The following EXT1 variants were observed in gnomAD, a reference collection of about 807,000 sequenced individuals.
The protein encoded by EXT1 is exostosin-1.
A neutral mutation model predicts 82.5 loss-of-function variants in EXT1; 20 were observed. The observed-to-expected ratio is 0.24, with a 90% CI of 0.17 to 0.35. The LOEUF is 0.35. Among genes scored for constraint, EXT1 ranks in the 10% least tolerant of loss-of-function variants. The probability of loss-of-function intolerance (pLI) is 1.00; values close to 1 mark genes in which losing one functional copy is unlikely to be tolerated. For missense variants in EXT1, 757 were observed against 936.5 expected, an observed-to-expected ratio of 0.81 and a Z score of 2.50; for synonymous variants, 348 against 350.8, an observed-to-expected ratio of 0.99 and a Z score of 0.09.
intron 1 of EXT1, among the ~76,000 whole-genome samples, chr8:117,893,836 C>T (rs17452959): frequency 0.034 from 5,186 of 152,238 alleles, 114 homozygotes; most frequent in Middle Eastern, 0.061. Context: ...CTTGCCAGAC[C>T]CGTTATCACC....
intron 1 of EXT1, among the ~76,000 whole-genome samples, chr8:117,947,983 G>A (rs1053006111): frequency 2.6e-5 from 4 of 152,066 alleles, no homozygotes; most frequent in Non-Finnish European, 5.9e-5. Context: ...ATTTGGAGGT[G>A]ATTTTTCTGC....
chr8:118,066,191 C>T (rs1032820374), intron 1 of EXT1, among the ~76,000 whole-genome samples: 10 of 152,248 alleles, frequency 6.6e-5, no homozygotes, highest in Middle Eastern at 3.4e-3. Flanking sequence ...AGACTAACCC[C>T]TCATCTTCCT....
intron 3 of EXT1, 119 bp downstream of exon 3, chr8:117,835,325 A>AT: frequency 2.6e-6 from 2 of 764,280 alleles, no homozygotes; most frequent in Non-Finnish European, 4.6e-6. Context: ...GACACAGGTA[A>AT]TTTTCTCCTG....
intron 1 of EXT1, among the ~76,000 whole-genome samples, chr8:118,108,415 G>A (rs139468250): frequency 1.2e-4 from 18 of 152,100 alleles, no homozygotes; most frequent in Non-Finnish European, 2.1e-4. Flanking sequence ...ATTCCTGAAA[G>A]GCTATAAGCA....
intron 1 of EXT1, among the ~76,000 whole-genome samples, chr8:117,922,239 G>A (rs912172782): frequency 5.3e-5 from 8 of 152,026 alleles, no homozygotes; most frequent in African/African-American, 1.9e-4. Flanking sequence ...ACGAGAAAGG[G>A]GGTACCTCCA....
intron 1 of EXT1, among the ~76,000 whole-genome samples, chr8:117,889,806 G>A (rs955194313): frequency 1.3e-5 from 2 of 152,126 alleles, no homozygotes; most frequent in African/African-American, 4.8e-5. Context: ...AAATCATCGT[G>A]AGATCTAACT....
intron 1 of EXT1, among the ~76,000 whole-genome samples, chr8:117,980,091 G>T (rs974014002): frequency 1.3e-5 from 2 of 152,144 alleles, no homozygotes; most frequent in Admixed American, 1.3e-4. Flanking sequence ...GAGAGGGTCA[G>T]CACTCCACAT....
intron 1 of EXT1, among the ~76,000 whole-genome samples, chr8:117,940,164 T>C (rs1331953204): frequency 2.0e-5 from 3 of 152,176 alleles, no homozygotes; most frequent in South Asian, 2.1e-4. Flanking sequence ...ATCCAAGAAG[T>C]AATACTTGTT....
At chr8:117,974,543 C>T (rs1415891217) in intron 1 of EXT1, among the ~76,000 whole-genome samples, 1 of 152,208 alleles carries the variant, frequency 6.6e-6, no homozygotes, top group African/African-American at 2.4e-5. Context: ...TCACAGCTCA[C>T]TGCAGCCTTG....
At chr8:117,810,434 G>A (rs909547691) in intron 8 of EXT1, among the ~76,000 whole-genome samples, 3 of 152,168 alleles carry the variant, frequency 2.0e-5, no homozygotes, top group African/African-American at 7.2e-5. Flanking sequence ...TTCAACCCAC[G>A]TTGACTTCTA....
chr8:118,084,709 T>C (rs1007546956), intron 1 of EXT1, among the ~76,000 whole-genome samples: 15 of 152,292 alleles, frequency 9.8e-5, no homozygotes, highest in Admixed American at 7.8e-4. Flanking sequence ...GGGAAGCGTT[T>C]GATTCCAGAG....
chr8:117,991,976 A>G (rs1287102539), intron 1 of EXT1, among the ~76,000 whole-genome samples: 1 of 152,236 alleles, frequency 6.6e-6, no homozygotes, highest in Non-Finnish European at 1.5e-5. Context: ...TCAAAAACCC[A>G]GCATGGCACC....
At position 118,110,271 on chromosome 8, in the gene EXT1, AGAG is replaced by A. The variant is rs1220858665; in HGVS notation, c.773_775del (p.Pro258del). On this transcript the variant is annotated inframe_deletion, in exon 1 of 11. Transcript: ENST00000378204. ...CTTGAATACCAGCATGTACTTCCTG[AGAG>A]GAGGGATGGTGTTGAACTTCAAAAA... 6.2e-7 allele frequency: 1 copy of A among 1,613,940 alleles called. No homozygotes were observed. The highest frequency in any genetic ancestry group is 8.5e-7 in the Non-Finnish European group (1 of 1,180,018).
At chr8:118,038,679 G>A (rs10955850) in intron 1 of EXT1, among the ~76,000 whole-genome samples, 59,192 of 151,998 alleles carry the variant, frequency 0.39, 12,035 homozygotes, top group Middle Eastern at 0.52. Context: ...AAGGGCAGAC[G>A]TTACTTCTCC....
chr8:118,052,134 G>A (rs535349923), intron 1 of EXT1, among the ~76,000 whole-genome samples: 5 of 152,290 alleles, frequency 3.3e-5, no homozygotes, highest in East Asian at 3.9e-4. Context: ...ATGGGAAGGG[G>A]AGCTGAACGC....
At chr8:118,012,628 G>A (rs1485331017) in intron 1 of EXT1, among the ~76,000 whole-genome samples, 1 of 152,242 alleles carries the variant, frequency 6.6e-6, no homozygotes, top group African/African-American at 2.4e-5. Flanking sequence ...ACTGCTGTTT[G>A]ACCTGGGGCT....
At position 118,064,967 on chromosome 8, in the gene EXT1, C is replaced by T. The variant is rs1245803640; in HGVS notation, c.962+45118G>A. On this transcript the variant is annotated intron_variant, in intron 1 of 10. Coordinates refer to ENST00000378204, the MANE Select transcript of EXT1 (RefSeq NM_000127.3). ...TCCCAGATTCAAGCGATTCTCCTGC[C>T]TCAGCCTCCTGAGTAGCCAGGATTA... 3.3e-5 allele frequency among the ~76,000 whole-genome samples: 5 copies of T among 151,832 alleles called. No homozygotes were observed. The East Asian group carries it at 9.8e-4, about 30-fold the overall frequency.
At chr8:118,015,471 T>A (rs984088551) in intron 1 of EXT1, among the ~76,000 whole-genome samples, 3 of 151,972 alleles carry the variant, frequency 2.0e-5, no homozygotes, top group East Asian at 1.9e-4. Context: ...GGAAAAAAAA[T>A]TCTAAAATAC....
intron 1 of EXT1, among the ~76,000 whole-genome samples, chr8:118,008,215 A>G (rs1276895704): frequency 7.2e-5 from 11 of 151,974 alleles, no homozygotes; most frequent in Non-Finnish European, 2.9e-5. Flanking sequence ...TGATGGCCAC[A>G]CTGTCTTCCA....
Sources: gnomAD v4.1 joint callset for allele counts (sites outside exome capture counted in the v4.1 genomes callset) on GRCh38, gnomAD v4.1.1 for gene constraint, MANE v1.5 for transcripts, NCBI Gene and HGNC (gene_info 2026-07-23, HGNC 2026-07-21) for gene names.